SMIM31: variants seen among roughly 807,000 people sequenced by gnomAD.
The protein encoded by SMIM31 is human epithelial cell program regulator.
At chr4:164,755,020 C>G (rs2110911256) in intron 1 of SMIM31, among the ~76,000 whole-genome samples, 1 of 131,760 alleles carries the variant, frequency 7.6e-6, no homozygotes, top group East Asian at 2.4e-4. Flanking sequence ...CTGCTTTTAG[C>G]CTTAAACTTA....
At chr4:164,784,900 T>TTTTTA (rs1733007448) in intron 2 of SMIM31, among the ~76,000 whole-genome samples, 1 of 23,982 alleles carries the variant, frequency 4.2e-5, no homozygotes, top group East Asian at 7.6e-4. Flanking sequence ...TTTGTTTGGG[T>TTTTTA]TTTTTTTTTT....
chr4:164,760,750 A>C (rs2110919702), intron 1 of SMIM31, among the ~76,000 whole-genome samples: 1 of 151,582 alleles, frequency 6.6e-6, no homozygotes, highest in East Asian at 1.9e-4. Flanking sequence ...AAAAAAAAAA[A>C]AAAAAAAAAA....
chr4:164,781,138 A>G (rs1732944311), intron 2 of SMIM31, among the ~76,000 whole-genome samples: 1 of 125,618 alleles, frequency 8.0e-6, no homozygotes, highest in Admixed American at 7.4e-5. Flanking sequence ...ATACACACAC[A>G]CACACACACA....
intron 1 of SMIM31, among the ~76,000 whole-genome samples, chr4:164,769,704 C>T (rs1300520527): frequency 6.6e-6 from 1 of 150,966 alleles, no homozygotes; most frequent in East Asian, 2.0e-4. Context: ...ACGTAACAAA[C>T]CTGCACGTTG....
intron 2 of SMIM31, among the ~76,000 whole-genome samples, chr4:164,772,322 A>C (rs1346251829): frequency 6.6e-6 from 1 of 152,164 alleles, no homozygotes; most frequent in African/African-American, 2.4e-5. Context: ...CATGGTGTTA[A>C]ATCATGAGAA....
intron 1 of SMIM31, among the ~76,000 whole-genome samples, chr4:164,762,106 C>G (rs928934879): frequency 1.3e-5 from 2 of 152,184 alleles, no homozygotes; most frequent in African/African-American, 4.8e-5. Flanking sequence ...ACAGAGCTCA[C>G]TCTACAGGGT....
intron 2 of SMIM31, among the ~76,000 whole-genome samples, chr4:164,777,560 G>A (rs1036195340): frequency 2.0e-5 from 3 of 152,286 alleles, no homozygotes; most frequent in Non-Finnish European, 2.9e-5. Context: ...CCCTGTCTTT[G>A]AAAGTTGTCT....
intron 1 of SMIM31, among the ~76,000 whole-genome samples, chr4:164,760,703 A>G (rs573470370): frequency 1.9e-4 from 28 of 146,030 alleles, no homozygotes; most frequent in South Asian, 1.8e-3. Flanking sequence ...TAACGCCACT[A>G]TGCTCCAGCC....
chr4:164,772,650 C>T (rs1191040467), intron 2 of SMIM31, among the ~76,000 whole-genome samples: 1 of 150,618 alleles, frequency 6.6e-6, no homozygotes, highest in Admixed American at 6.6e-5. Flanking sequence ...GCGATCTCGA[C>T]TCACTGCAAG....
chr4:164,759,093 C>T (rs995505309), intron 1 of SMIM31, among the ~76,000 whole-genome samples: 2 of 151,920 alleles, frequency 1.3e-5, no homozygotes, highest in South Asian at 2.1e-4. Flanking sequence ...ATGTACATTG[C>T]TGGATTTCAT....
At chr4:164,758,460 T>G (rs1732595786) in intron 1 of SMIM31, among the ~76,000 whole-genome samples, 1 of 152,126 alleles carries the variant, frequency 6.6e-6, no homozygotes, top group Non-Finnish European at 1.5e-5. Flanking sequence ...GATTCAATAG[T>G]CCACCTTTAA....
chr4:164,754,912 G>A lies in SMIM31; in HGVS notation c.-26+501G>A, dbSNP rs143741701. 6.4e-3 allele frequency among the ~76,000 whole-genome samples: 943 copies of A among 148,176 alleles called. 11 individuals are homozygous for A. Among genetic ancestry groups the A allele is most frequent in the African/African-American group, 0.022 (903 of 40,142 alleles). ...TTAAGGTTAAAAGCAGATAAATGAC[G>A]GTATTTCCTCCTGAGTATGATAGAA... On this transcript the variant is annotated intron_variant, in intron 1 of 2. Transcript: ENST00000507311.
rs35632469 is a variant in SMIM31 at position 164,758,801 on chromosome 4, ATTTTTTTTTTTTTTTTTTTTTTT to A, written c.-26+4408_-26+4430del. On this transcript the variant is annotated intron_variant, in intron 1 of 2. Transcript: ENST00000507311. ...GGCGCCCGCCACCACGCCCGGCCAAATTTTTTTTTTTTTTTTTTTTTTTTTTTTTTTTTTTTTTTTGTATTTTT... is the reference window on the plus strand; with the variant it reads ...GGCGCCCGCCACCACGCCCGGCCAAATTTTTTTTTTTTTTTTTGTATTTTT... Among the ~76,000 whole-genome samples the A allele has an allele frequency of 2.3e-4, 14 of 60,914 alleles. No individual in the cohort carries two copies. The East Asian group carries it at 4.9e-3, about 21-fold the overall frequency. The allele number at this position is 60,914 out of a possible 152,430, so 40.0% of individuals were successfully genotyped here. A position where few individuals can be genotyped will look rare whatever the true frequency, so the allele number is the denominator to read the frequency against.
In SMIM31 at chr4:164,801,963, G is replaced by C. The variant is rs1560834647; in HGVS notation, c.*769G>C. Reference sequence around the variant, plus strand: ...TAATTTGAGAGAGAGGCTGGGTGCAGTGGCTCACGCCTGTAATCCCAGCAC... The same window carrying C: ...TAATTTGAGAGAGAGGCTGGGTGCACTGGCTCACGCCTGTAATCCCAGCAC... On this transcript the variant is annotated 3_prime_UTR_variant, in exon 3 of 3. Coordinates refer to ENST00000507311, the MANE Select transcript of SMIM31 (RefSeq NM_001352885.1). 6.6e-6 allele frequency: 1 copy of C among 152,026 alleles called. No individual in the cohort carries two copies. The highest frequency in any genetic ancestry group is 3.4e-3 in the Middle Eastern group (1 of 294). The allele number at this position is 152,026 out of a possible 1,614,324, so 9.4% of individuals were successfully genotyped here.
At chr4:164,766,377 G>T (rs551094730) in intron 1 of SMIM31, among the ~76,000 whole-genome samples, 37 of 152,134 alleles carry the variant, frequency 2.4e-4, no homozygotes, top group African/African-American at 8.4e-4. Context: ...CTCGTTTATG[G>T]TCACTCAGTG....
At chr4:164,793,007 A>G (rs1307210200) in intron 2 of SMIM31, among the ~76,000 whole-genome samples, 1 of 152,218 alleles carries the variant, frequency 6.6e-6, no homozygotes, top group African/African-American at 2.4e-5. Context: ...AAAACTGAAT[A>G]CCGTGGAATA....
chr4:164,767,862 A>G (rs887858535), intron 1 of SMIM31, among the ~76,000 whole-genome samples: 3 of 152,084 alleles, frequency 2.0e-5, no homozygotes, highest in Non-Finnish European at 2.9e-5. Context: ...CCAGCTTTCA[A>G]TTTCTACTGA....
At chr4:164,801,022 C>A (rs569516092) in intron 2 of SMIM31, 69 bp from the exon 3 acceptor site, 12 of 396,690 alleles carry the variant, frequency 3.0e-5, no homozygotes, top group African/African-American at 2.3e-4. Flanking sequence ...TTCTTATAAC[C>A]GAAGTTAATT....
chr4:164,784,394 T>C (rs181590412), intron 2 of SMIM31, among the ~76,000 whole-genome samples: 23 of 152,286 alleles, frequency 1.5e-4, no homozygotes, highest in African/African-American at 5.5e-4. Flanking sequence ...CTTGATAGTA[T>C]TATATGTCAC....
Sources: gnomAD v4.1 joint callset for allele counts (sites outside exome capture counted in the v4.1 genomes callset) on GRCh38, gnomAD v4.1.1 for gene constraint, MANE v1.5 for transcripts, NCBI Gene and HGNC (gene_info 2026-07-23, HGNC 2026-07-21) for gene names.